ARL15: variants seen among roughly 807,000 people sequenced by gnomAD.
ARL15 encodes ARF like GTPase 15, also known as ADP-ribosylation factor-like protein 15.
Under a neutral mutation model 25.2 loss-of-function variants are expected in ARL15, and 19 were observed. The ratio of observed to expected loss-of-function variants is 0.75; its 90% CI spans 0.53 to 1.10. The LOEUF is 1.10. ARL15 is among the 50% of genes least tolerant of loss of function. The probability of loss-of-function intolerance (pLI) is 0.00; values close to 1 mark genes in which losing one functional copy is unlikely to be tolerated. For synonymous variants in ARL15, 94 were observed against 86.8 expected (o/e 1.08, Z -0.46); for missense variants, 220 against 246.0 (o/e 0.89, Z 0.71).
chr5:54,089,369 A>C (rs1371482346), intron 4 of ARL15, among the ~76,000 whole-genome samples: 4 of 152,372 alleles, frequency 2.6e-5, no homozygotes, highest in Admixed American at 2.0e-4. Context: ...ATTTAATATT[A>C]GATAATAAAT....
intron 4 of ARL15, among the ~76,000 whole-genome samples, chr5:53,936,990 T>C (rs1222096277): frequency 6.6e-6 from 1 of 152,200 alleles, no homozygotes; most frequent in Non-Finnish European, 1.5e-5. Flanking sequence ...AAAACAGGAA[T>C]GCAGAAAACA....
chr5:54,088,229 T>C (rs893125788), intron 4 of ARL15, among the ~76,000 whole-genome samples: 1 of 152,186 alleles, frequency 6.6e-6, no homozygotes, highest in Non-Finnish European at 1.5e-5. Flanking sequence ...ATTGGGGAAT[T>C]GTCAGGACAA....
At chr5:53,958,261 T>C (rs940289380) in intron 4 of ARL15, among the ~76,000 whole-genome samples, 2 of 151,304 alleles carry the variant, frequency 1.3e-5, no homozygotes, top group Non-Finnish European at 2.9e-5. Context: ...GCACAAAATA[T>C]ATAAATGTAA....
intron 4 of ARL15, among the ~76,000 whole-genome samples, chr5:54,076,404 G>C (rs1751607561): frequency 6.7e-6 from 1 of 149,768 alleles, no homozygotes; most frequent in Non-Finnish European, 1.5e-5. Context: ...CTGGGCGACA[G>C]AGCGAGACTC....
At chr5:54,004,585 G>A (rs566167183) in intron 4 of ARL15, among the ~76,000 whole-genome samples, 60 of 152,130 alleles carry the variant, frequency 3.9e-4, no homozygotes, top group African/African-American at 1.1e-3. Context: ...CAGTGGCTTC[G>A]GTGGCAGATC....
intron 1 of ARL15, among the ~76,000 whole-genome samples, chr5:54,211,773 A>G (rs1446605139): frequency 6.6e-6 from 1 of 152,110 alleles, no homozygotes; most frequent in African/African-American, 2.4e-5. Flanking sequence ...TGACCGGCCA[A>G]ATGAAATACT....
At chr5:54,134,980 AT>A (rs1179968115) in intron 3 of ARL15, among the ~76,000 whole-genome samples, 1 of 152,226 alleles carries the variant, frequency 6.6e-6, no homozygotes, top group Non-Finnish European at 1.5e-5. Context: ...TTTTAATTGA[AT>A]TAAAAAGTTG....
chr5:54,078,113 C>T (rs1751669885), intron 4 of ARL15, among the ~76,000 whole-genome samples: 1 of 152,142 alleles, frequency 6.6e-6, no homozygotes, highest in African/African-American at 2.4e-5. Flanking sequence ...TTGTCTATTA[C>T]TTATAATATG....
chr5:54,199,275 A>G (rs1755645259), intron 1 of ARL15, among the ~76,000 whole-genome samples: 1 of 152,172 alleles, frequency 6.6e-6, no homozygotes, highest in Non-Finnish European at 1.5e-5. Flanking sequence ...AGCAATGGCA[A>G]CAAAAGCCAG....
intron 1 of ARL15, among the ~76,000 whole-genome samples, chr5:54,303,429 T>G (rs1277342026): frequency 6.6e-6 from 1 of 152,024 alleles, no homozygotes. Context: ...GATAATTGCT[T>G]GAACCCGGGA....
chr5:54,283,892 C>T (rs935256434), intron 1 of ARL15, among the ~76,000 whole-genome samples: 5 of 152,140 alleles, frequency 3.3e-5, no homozygotes, highest in Non-Finnish European at 5.9e-5. Flanking sequence ...CTGAGAAGAG[C>T]CCTTTTTTGC....
intron 4 of ARL15, among the ~76,000 whole-genome samples, chr5:54,055,352 CTTTTTTTT>C (rs147040538): frequency 4.7e-4 from 26 of 55,330 alleles, no homozygotes; most frequent in African/African-American, 1.6e-3. Context: ...ATCATCATTC[CTTTTTTTT>C]TTTTTTTTTT....
chr5:54,122,602 G>C (rs538338153), intron 3 of ARL15, among the ~76,000 whole-genome samples: 1 of 152,160 alleles, frequency 6.6e-6, no homozygotes, highest in East Asian at 1.9e-4. Flanking sequence ...TTTTTCAGCG[G>C]CTTGCATGGT....
chr5:54,223,789 C>A (rs1345970564), intron 1 of ARL15, among the ~76,000 whole-genome samples: 3 of 152,066 alleles, frequency 2.0e-5, no homozygotes, highest in African/African-American at 7.2e-5. Flanking sequence ...TCTGTCTGAA[C>A]AACAAACTTA....
At chr5:54,221,865 AC>A (rs1248395836) in intron 1 of ARL15, among the ~76,000 whole-genome samples, 35 of 147,426 alleles carry the variant, frequency 2.4e-4, no homozygotes, top group African/African-American at 9.0e-4. Context: ...ACACACACAC[AC>A]ACACAAAACC....
At chr5:54,024,415 C>T (rs1047882436) in intron 4 of ARL15, among the ~76,000 whole-genome samples, 3 of 152,076 alleles carry the variant, frequency 2.0e-5, no homozygotes, top group South Asian at 4.2e-4. Flanking sequence ...ACATGTACTG[C>T]GATGTTAGAT....
chr5:54,058,828 G>C (rs79235685), intron 4 of ARL15, among the ~76,000 whole-genome samples: 2,850 of 152,240 alleles, frequency 0.019, 93 homozygotes, highest in African/African-American at 0.066. Flanking sequence ...ACAGTTTCAA[G>C]GCTCCCTCGG....
chr5:54,225,603 G>A (rs1225267801), intron 1 of ARL15, among the ~76,000 whole-genome samples: 1 of 152,132 alleles, frequency 6.6e-6, no homozygotes, highest in Non-Finnish European at 1.5e-5. Context: ...AAGGTTTCAG[G>A]AAAGTTAAGT....
chr5:54,198,635 T>A (rs368151677), intron 1 of ARL15, among the ~76,000 whole-genome samples: 4 of 145,606 alleles, frequency 2.7e-5, no homozygotes, highest in Non-Finnish European at 6.0e-5. Context: ...CACTGCTCAA[T>A]GAAATAAAAG....
Sources: allele counts gnomAD v4.1 joint callset (sites outside exome capture counted in the v4.1 genomes callset), GRCh38; gene constraint gnomAD v4.1.1; transcripts MANE v1.5; gene names NCBI Gene and HGNC (gene_info 2026-07-23, HGNC 2026-07-21).